The following NSD1 variants were observed in gnomAD, a reference collection of about 807,000 sequenced individuals.
NSD1 encodes nuclear receptor binding SET domain protein 1, also known as histone-lysine N-methyltransferase, H3 lysine-36 specific.
In NSD1, 26 loss-of-function variants were observed where a neutral mutation model predicts 242.7. The observed-to-expected ratio is 0.11, with a 90% confidence interval of 0.08 to 0.15. The LOEUF (loss-of-function observed/expected upper bound fraction) is 0.15. Among genes scored for constraint, NSD1 ranks in the 10% least tolerant of loss-of-function variants. The probability of loss-of-function intolerance (pLI) is 1.00; values close to 1 mark genes in which losing one functional copy is unlikely to be tolerated. For missense variants in NSD1, 2,495 were observed against 3,272.8 expected (o/e 0.76, Z 5.80); for synonymous variants, 1,106 against 1,178.1 (o/e 0.94, Z 1.25).
intron 14 of NSD1, chr5:177,265,565 G>A (rs1483036431): frequency 6.4e-6 from 7 of 1,093,682 alleles, no homozygotes; most frequent in African/African-American, 1.5e-5. Context: ...CGGGAGAGCC[G>A]GGCCTCAGCA....
At chr5:177,151,110 G>A (rs1757660329) in intron 2 of NSD1, among the ~76,000 whole-genome samples, 1 of 152,198 alleles carries the variant, frequency 6.6e-6, no homozygotes. Context: ...GGGCACGGTG[G>A]CTCACGCCTA....
intron 5 of NSD1, among the ~76,000 whole-genome samples, chr5:177,224,953 T>C (rs1307624503): frequency 1.3e-5 from 2 of 152,096 alleles, no homozygotes; most frequent in Non-Finnish European, 2.9e-5. Flanking sequence ...ATGTATTATA[T>C]TGATTGATTT....
chr5:177,268,190 C>T (rs1239070934), intron 15 of NSD1, among the ~76,000 whole-genome samples: 1 of 151,614 alleles, frequency 6.6e-6, no homozygotes, highest in Non-Finnish European at 1.5e-5. Flanking sequence ...CTCACTGCAA[C>T]TTCAAACTCC....
At chr5:177,150,410 G>A (rs1194393915) in intron 2 of NSD1, among the ~76,000 whole-genome samples, 1 of 152,086 alleles carries the variant, frequency 6.6e-6, no homozygotes, top group Non-Finnish European at 1.5e-5. Context: ...GATTACAGTC[G>A]TGAGCCACCG....
intron 2 of NSD1, among the ~76,000 whole-genome samples, chr5:177,188,906 A>G (rs1761454096): frequency 6.6e-6 from 1 of 152,164 alleles, no homozygotes. Flanking sequence ...CAAAAAATAC[A>G]GAAATTTTCC....
At chr5:177,143,968 A>G (rs2149767449) in intron 2 of NSD1, among the ~76,000 whole-genome samples, 1 of 151,970 alleles carries the variant, frequency 6.6e-6, no homozygotes, top group South Asian at 2.1e-4. Context: ...TGTTTTTAGT[A>G]GAGATGGGGT....
intron 4 of NSD1, among the ~76,000 whole-genome samples, chr5:177,205,909 G>T (rs918282924): frequency 1.6e-4 from 25 of 152,010 alleles, no homozygotes; most frequent in African/African-American, 6.0e-4. Flanking sequence ...CTGCAGCTAT[G>T]ACCTCCCAGG....
At chr5:177,196,275 T>C (rs1762096897) in intron 3 of NSD1, among the ~76,000 whole-genome samples, 1 of 152,172 alleles carries the variant, frequency 6.6e-6, no homozygotes, top group Non-Finnish European at 1.5e-5. Flanking sequence ...ATGTATATAA[T>C]TAAAAAGTGT....
chr5:177,202,029 G>A (rs959293747), intron 3 of NSD1, among the ~76,000 whole-genome samples: 1 of 151,998 alleles, frequency 6.6e-6, no homozygotes, highest in Non-Finnish European at 1.5e-5. Flanking sequence ...TTAGTTGGGC[G>A]TGGTGGCGCA....
chr5:177,146,382 T>G (rs1246617117), intron 2 of NSD1, among the ~76,000 whole-genome samples: 1 of 151,724 alleles, frequency 6.6e-6, no homozygotes, highest in East Asian at 2.0e-4. Context: ...GTTTTTGTAT[T>G]TTTAGTAGAG....
In NSD1 at chr5:177,211,537, A is replaced by C. The variant is rs774919364; in HGVS notation, c.3138A>C (p.Lys1046Asn). ...AQMVKNTVNR[K>N]ALKTERKRKL... ...TGGTAAAGAACACAGTGAACCGTAA[A>C]GCCTTAAAGACCGAGCGCAAAAGAA... is the stretch of plus-strand genomic sequence containing the variant. Residue 1046 changes from lysine to asparagine, a missense_variant, in exon 5 of 23, where the codon AAA becomes AAC. Lys to Asn is a moderately conservative substitution (Grantham distance 94, BLOSUM62 0). This residue lies in a region of NSD1 where 426 missense variants were observed against 411.4 expected (regional missense o/e 1.04). Transcript: ENST00000439151. 1.2e-6 allele frequency: 2 copies of C among 1,614,144 alleles called. No individual in the cohort carries two copies. The highest frequency in any genetic ancestry group is 1.7e-6 in the Non-Finnish European group (2 of 1,180,048).
chr5:177,217,229 G>A (rs1304878176), intron 5 of NSD1, among the ~76,000 whole-genome samples: 1 of 152,064 alleles, frequency 6.6e-6, no homozygotes, highest in Non-Finnish European at 1.5e-5. Context: ...CCTTGGTTAA[G>A]TTTATTCTTA....
intron 2 of NSD1, among the ~76,000 whole-genome samples, chr5:177,183,510 GTA>G (rs1416416700): frequency 6.6e-6 from 1 of 152,050 alleles, no homozygotes; most frequent in African/African-American, 2.4e-5. Flanking sequence ...CAATGTTTGT[GTA>G]TATATATTTA....
At chr5:177,146,324 G>A (rs1757242345) in intron 2 of NSD1, among the ~76,000 whole-genome samples, 1 of 149,414 alleles carries the variant, frequency 6.7e-6, no homozygotes, top group Non-Finnish European at 1.5e-5. Flanking sequence ...TCCTGCCTCA[G>A]CCTCCTGAGT....
At chr5:177,273,359 C>T (rs1045292759) in intron 16 of NSD1, among the ~76,000 whole-genome samples, 33 of 148,154 alleles carry the variant, frequency 2.2e-4, no homozygotes, top group African/African-American at 7.2e-4. Flanking sequence ...TTATGATATC[C>T]GCCACCACAG....
chr5:177,166,441 G>A (rs1287889466), intron 2 of NSD1, among the ~76,000 whole-genome samples: 2 of 151,932 alleles, frequency 1.3e-5, no homozygotes, highest in African/African-American at 4.8e-5. Context: ...TGAGCTACTG[G>A]GGAGGCTGTG....
chr5:177,281,978 G>A (rs1758931215), intron 18 of NSD1, among the ~76,000 whole-genome samples: 1 of 152,226 alleles, frequency 6.6e-6, no homozygotes, highest in Non-Finnish European at 1.5e-5. Flanking sequence ...AATATAAGTA[G>A]CTGTTGACCC....
intron 4 of NSD1, among the ~76,000 whole-genome samples, chr5:177,208,988 C>T (rs1763118482): frequency 6.6e-6 from 1 of 152,014 alleles, no homozygotes; most frequent in Non-Finnish European, 1.5e-5. Context: ...GAGCCACACA[C>T]CCGGCCAAGT....
intron 14 of NSD1, among the ~76,000 whole-genome samples, chr5:177,262,973 G>C (rs1391452547): frequency 6.6e-6 from 1 of 152,200 alleles, no homozygotes; most frequent in African/African-American, 2.4e-5. Context: ...TTCAGTGAAA[G>C]GCTGATGAAG....
Sources: allele counts gnomAD v4.1 joint callset (sites outside exome capture counted in the v4.1 genomes callset), GRCh38; gene constraint gnomAD v4.1.1; regional missense constraint gnomAD v4.1.1; transcripts MANE v1.5; gene names NCBI Gene and HGNC (gene_info 2026-07-23, HGNC 2026-07-21).